PRKCB: variants seen among roughly 807,000 people sequenced by gnomAD.
PRKCB encodes the protein protein kinase C beta type.
Under a neutral mutation model 81.5 loss-of-function variants are expected in PRKCB, and 13 were observed. The observed-to-expected ratio is 0.16, with a 90% CI of 0.10 to 0.25. PRKCB has a LOEUF of 0.25. Ranked by LOEUF, PRKCB falls within the 10% of genes least tolerant of loss-of-function variation. The pLI is 1.00. For missense variants in PRKCB, 509 were observed against 875.7 expected (o/e 0.58, Z 5.29); for synonymous variants, 335 against 321.4 (o/e 1.04, Z -0.45).
Position 24,205,357 on chromosome 16 carries a change from G to A in PRKCB, c.1864-9301G>A, listed in dbSNP as rs1426161658. 4.6e-5 allele frequency among the ~76,000 whole-genome samples: 7 copies of A among 151,344 alleles called. No individual in the cohort carries two copies. In the South Asian group the frequency reaches 1.5e-3, roughly 32 times the overall value. The stretch of plus-strand genomic sequence containing the variant: ...CTTTGTAGAGACAGGTTCTCTCTAT[G>A]TTGCCCAGGCTGGTCTCAAACTCCT... On this transcript the variant is annotated intron_variant, in intron 16 of 16. Transcript: ENST00000643927.
At chr16:24,027,967 A>G (rs965856795) in intron 3 of PRKCB, among the ~76,000 whole-genome samples, 1 of 152,176 alleles carries the variant, frequency 6.6e-6, no homozygotes, top group Non-Finnish European at 1.5e-5. Flanking sequence ...ACAGGGTCTC[A>G]CTGTGTTGCC....
chr16:24,049,998 G>A (rs1965821390), intron 5 of PRKCB, among the ~76,000 whole-genome samples: 1 of 152,208 alleles, frequency 6.6e-6, no homozygotes, highest in African/African-American at 2.4e-5. Flanking sequence ...AGTGGTGCAG[G>A]TGGACAAGTA....
At chr16:23,972,596 G>A (rs1475558718) in intron 2 of PRKCB, among the ~76,000 whole-genome samples, 1 of 152,084 alleles carries the variant, frequency 6.6e-6, no homozygotes, top group East Asian at 1.9e-4. Flanking sequence ...TCTCCCATAC[G>A]AAGGCCTTTT....
chr16:24,064,009 G>A (rs1312519237), intron 5 of PRKCB, among the ~76,000 whole-genome samples: 2 of 152,130 alleles, frequency 1.3e-5, no homozygotes, highest in African/African-American at 4.8e-5. Flanking sequence ...CGTGTATAGT[G>A]TGATTCCGTT....
intron 2 of PRKCB, among the ~76,000 whole-genome samples, chr16:23,950,132 A>AGGTTTTTTTT (rs55986931): frequency 7.2e-5 from 7 of 97,760 alleles, no homozygotes; most frequent in Non-Finnish European, 7.8e-5. Flanking sequence ...TATGATTTGA[A>AGGTTTTTTTT]TTTTTTTTTT....
intron 9 of PRKCB, among the ~76,000 whole-genome samples, chr16:24,143,281 C>T (rs541471025): frequency 1.3e-4 from 20 of 152,108 alleles, no homozygotes; most frequent in Admixed American, 3.3e-4. Flanking sequence ...TACAGATGTG[C>T]ACCACCACAC....
intron 5 of PRKCB, among the ~76,000 whole-genome samples, chr16:24,042,720 G>A (rs2141863317): frequency 6.7e-6 from 1 of 148,206 alleles, no homozygotes; most frequent in South Asian, 2.2e-4. Context: ...GAGGTGAAAT[G>A]TACATACAAT....
At chr16:24,197,602 C>G (rs528506222) in intron 16 of PRKCB, among the ~76,000 whole-genome samples, 3 of 152,156 alleles carry the variant, frequency 2.0e-5, no homozygotes, top group Admixed American at 2.0e-4. Context: ...CATGTTCTGA[C>G]TTTGGGTTTT....
At chr16:24,162,223 C>T (rs1261340051) in intron 10 of PRKCB, among the ~76,000 whole-genome samples, 1 of 151,984 alleles carries the variant, frequency 6.6e-6, no homozygotes, top group Non-Finnish European at 1.5e-5. Context: ...CCCCTGATGG[C>T]CCAAGAATGA....
chr16:23,985,137 G>T (rs539557513), intron 2 of PRKCB, among the ~76,000 whole-genome samples: 81 of 152,214 alleles, frequency 5.3e-4, no homozygotes, highest in Non-Finnish European at 9.6e-4. Context: ...TGTTGCCCAG[G>T]CTGGAGTGCA....
At chr16:24,131,309 G>C (rs920022172) in intron 9 of PRKCB, among the ~76,000 whole-genome samples, 14 of 152,184 alleles carry the variant, frequency 9.2e-5, no homozygotes, top group African/African-American at 3.4e-4. Flanking sequence ...TCCCCATCTA[G>C]TGCTTGACTT....
intron 2 of PRKCB, among the ~76,000 whole-genome samples, chr16:23,849,067 T>A (rs11644103): frequency 0.21 from 31,931 of 152,168 alleles, 3,471 homozygotes; most frequent in East Asian, 0.33. Context: ...GAGAGGTGAT[T>A]TGAGTGTGAG....
At chr16:23,892,211 A>G (rs1185091115) in intron 2 of PRKCB, among the ~76,000 whole-genome samples, 2 of 123,468 alleles carry the variant, frequency 1.6e-5, no homozygotes, top group Non-Finnish European at 3.4e-5. Context: ...GGTGATAGAC[A>G]GATGTGTTGA....
intron 2 of PRKCB, among the ~76,000 whole-genome samples, chr16:23,911,870 T>G (rs1231096989): frequency 2.3e-5 from 3 of 129,056 alleles, no homozygotes; most frequent in Non-Finnish European, 4.7e-5. Context: ...TCTCACTGTT[T>G]GCCCGGGCTG....
At chr16:23,863,824 G>A (rs1962726183) in intron 2 of PRKCB, among the ~76,000 whole-genome samples, 1 of 152,174 alleles carries the variant, frequency 6.6e-6, no homozygotes, top group Non-Finnish European at 1.5e-5. Flanking sequence ...CACCAAGAAT[G>A]TGCCTGATTT....
intron 16 of PRKCB, among the ~76,000 whole-genome samples, chr16:24,196,525 C>A (rs1384683007): frequency 3.3e-5 from 5 of 152,238 alleles, no homozygotes; most frequent in Non-Finnish European, 5.9e-5. Flanking sequence ...GAGAGATCTG[C>A]AGCTTCCTGC....
chr16:24,139,352 G>A (rs1011073628), intron 9 of PRKCB, among the ~76,000 whole-genome samples: 10 of 152,136 alleles, frequency 6.6e-5, no homozygotes, highest in Admixed American at 1.3e-4. Flanking sequence ...TAGTTCTCTC[G>A]CATTTCTTGT....
rs745704176 is a variant in PRKCB, at chr16:24,191,085, C to G, written c.1723-5C>G. ...GCAAATTCAATGTTTTTCTTTCTCT[C>G]GAAGCTGATGACCAAACACCCAGGC... On this transcript the variant is annotated splice_polypyrimidine_tract_variant and splice_region_variant and intron_variant, in intron 15 of 16. Transcript: ENST00000643927. The G allele has an allele frequency of 8.1e-6, 13 of 1,611,948 alleles. No homozygotes were observed. Among genetic ancestry groups the G allele is most frequent in the Non-Finnish European group, 7.6e-6 (9 of 1,178,986 alleles).
At chr16:23,870,229 A>G (rs1291490829) in intron 2 of PRKCB, among the ~76,000 whole-genome samples, 4 of 152,168 alleles carry the variant, frequency 2.6e-5, no homozygotes, top group African/African-American at 9.7e-5. Context: ...CAGAAGAACA[A>G]TTTCTTCCTA....
Sources: allele counts gnomAD v4.1 joint callset (sites outside exome capture counted in the v4.1 genomes callset), GRCh38; gene constraint gnomAD v4.1.1; transcripts MANE v1.5; gene names NCBI Gene and HGNC (gene_info 2026-07-23, HGNC 2026-07-21).